Variants in GRK3 observed in about 807,000 individuals in gnomAD.
GRK3 encodes adrenergic, beta, receptor kinase 2.
GRK3 carries 54 observed loss-of-function variants against 95.7 expected under a neutral mutation model. That is an observed-to-expected ratio of 0.56 (90% CI 0.45 to 0.71). The LOEUF (loss-of-function observed/expected upper bound fraction) is 0.71. Ranked by LOEUF, GRK3 falls within the 30% of genes least tolerant of loss-of-function variation. The probability of loss-of-function intolerance (pLI) is 0.00; values close to 1 mark genes in which losing one functional copy is unlikely to be tolerated. For missense variants in GRK3, 649 were observed against 851.2 expected (o/e 0.76, Z 2.96); for synonymous variants, 281 against 290.8 (o/e 0.97, Z 0.34).
intron 2 of GRK3, among the ~76,000 whole-genome samples, chr22:25,641,887 G>C (rs941167935): frequency 4.6e-5 from 7 of 152,166 alleles, no homozygotes; most frequent in Admixed American, 4.6e-4. Context: ...ATGGTGAAGA[G>C]TTTCAGTTTG....
intron 1 of GRK3, among the ~76,000 whole-genome samples, chr22:25,600,477 G>T (rs974411214): frequency 6.6e-6 from 1 of 151,996 alleles, no homozygotes; most frequent in African/African-American, 2.4e-5. Context: ...AACCAACTAC[G>T]CCTCAAAATA....
intron 2 of GRK3, among the ~76,000 whole-genome samples, chr22:25,620,498 A>G (rs552782366): frequency 6.6e-6 from 1 of 152,314 alleles, no homozygotes; most frequent in African/African-American, 2.4e-5. Flanking sequence ...CTCTAAGAGC[A>G]GGGGCTTTAC....
At chr22:25,647,211 A>C (rs2146385800) in intron 3 of GRK3, 1 of 126,758 alleles carries the variant, frequency 7.9e-6, no homozygotes, top group Non-Finnish European at 1.5e-5. Context: ...CACCACCCGG[A>C]GCTGCAGCAG....
chr22:25,727,587 T>C lies in GRK3; in HGVS notation c.*5137T>C, dbSNP rs1217335630. ...AACTACAGAAAATGGGTTAAGAGTA[T>C]ACGCATTTCATCAAACACATATAGG... On this transcript the variant is annotated 3_prime_UTR_variant, in exon 21 of 21. Coordinates refer to ENST00000324198, the MANE Select transcript of GRK3 (RefSeq NM_005160.4). 1 of 152,256 alleles carries C rather than the reference T, an allele frequency of 6.6e-6. No homozygotes were observed. Among genetic ancestry groups the C allele is most frequent in the Non-Finnish European group, 1.5e-5 (1 of 68,050 alleles). 9.4% of individuals were successfully genotyped at this position (152,256 alleles called of 1,614,324 possible).
intron 2 of GRK3, among the ~76,000 whole-genome samples, chr22:25,626,718 C>T (rs2084630810): frequency 6.6e-6 from 1 of 152,222 alleles, no homozygotes; most frequent in South Asian, 2.1e-4. Flanking sequence ...TTAGATTTCA[C>T]AGTAAATATG....
chr22:25,699,699 CT>C (rs532664312), intron 13 of GRK3, among the ~76,000 whole-genome samples: 194 of 129,202 alleles, frequency 1.5e-3, no homozygotes, highest in East Asian at 2.6e-3. Flanking sequence ...CTTTTCTTTT[CT>C]TTTTTTTTTT....
intron 3 of GRK3, chr22:25,648,313 C>A: frequency 9.0e-7 from 1 of 1,107,704 alleles, no homozygotes; most frequent in Non-Finnish European, 1.4e-6. Flanking sequence ...CAGAAATTGG[C>A]AAAACACTAC....
chr22:25,626,796 C>G (rs16980513), intron 2 of GRK3, among the ~76,000 whole-genome samples: 3,894 of 152,280 alleles, frequency 0.026, 58 homozygotes, highest in African/African-American at 0.037. Context: ...AAGATCGGTG[C>G]ACAGTCAGGG....
chr22:25,671,351 A>G (rs978409268), intron 6 of GRK3, among the ~76,000 whole-genome samples: 1 of 152,226 alleles, frequency 6.6e-6, no homozygotes, highest in Non-Finnish European at 1.5e-5. Flanking sequence ...AAGCAACAAA[A>G]ACAAAAACAA....
intron 1 of GRK3, among the ~76,000 whole-genome samples, chr22:25,580,791 T>G (rs1308939165): frequency 6.6e-6 from 1 of 152,196 alleles, no homozygotes; most frequent in Non-Finnish European, 1.5e-5. Flanking sequence ...GATGAGCCAC[T>G]GTGCCTGGCT....
At chr22:25,567,627 C>G (rs918604015) in intron 1 of GRK3, among the ~76,000 whole-genome samples, 1 of 152,156 alleles carries the variant, frequency 6.6e-6, no homozygotes, top group African/African-American at 2.4e-5. Flanking sequence ...CATGTGATCA[C>G]CAGTTTTTGG....
At chr22:25,620,010 G>GTGTGTGTGTGTTT (rs2084571343) in intron 2 of GRK3, among the ~76,000 whole-genome samples, 1 of 84,178 alleles carries the variant, frequency 1.2e-5, no homozygotes, top group Non-Finnish European at 2.2e-5. Flanking sequence ...TCTTTTTTGT[G>GTGTGTGTGTGTTT]TGTGTGTGTG....
chr22:25,655,031 A>G (rs898454687), intron 3 of GRK3, among the ~76,000 whole-genome samples: 2 of 152,174 alleles, frequency 1.3e-5, no homozygotes, highest in African/African-American at 4.8e-5. Context: ...CTTTGAAGTT[A>G]TTAGTAATTC....
chr22:25,565,215 C>T lies in GRK3; in HGVS notation c.113+62C>T. 3 of 882,484 alleles carry T rather than the reference C, an allele frequency of 3.4e-6. No individual in the cohort carries two copies. The South Asian group carries it at 5.5e-5, about 16-fold the overall frequency. The allele number at this position is 882,484 out of a possible 1,614,324, so 54.7% of individuals were successfully genotyped here. A position where few individuals can be genotyped will look rare whatever the true frequency, so the allele number is the denominator to read the frequency against. On this transcript the variant is annotated intron_variant, in intron 1 of 20. Coordinates refer to ENST00000324198, the MANE Select transcript of GRK3 (RefSeq NM_005160.4). ...CCGCCCCCTGCGGCCGCCAGCTACC[C>T]CCTGCTTCCTGGAGGGTCGGGCGCT...
chr22:25,605,847 G>T (rs2146341630), intron 2 of GRK3, among the ~76,000 whole-genome samples: 1 of 152,322 alleles, frequency 6.6e-6, no homozygotes, highest in African/African-American at 2.4e-5. Context: ...CTTTTGCACT[G>T]GGCTTCTTCA....
chr22:25,697,570 G>C (rs989275068), intron 13 of GRK3, among the ~76,000 whole-genome samples: 5 of 152,234 alleles, frequency 3.3e-5, no homozygotes, highest in African/African-American at 1.2e-4. Flanking sequence ...TCCGTGGGAA[G>C]ACTGAAAGAG....
In GRK3 at chr22:25,727,034, ACT is replaced by A. The variant is rs200055957; in HGVS notation, c.*4585_*4586del. 0.012 allele frequency: 1,760 copies of A among 151,978 alleles called. 18 individuals carry two copies. The highest frequency in any genetic ancestry group is 0.018 in the South Asian group (88 of 4,812). 9.4% of individuals were successfully genotyped at this position (151,978 alleles called of 1,614,324 possible). On this transcript the variant is annotated 3_prime_UTR_variant, in exon 21 of 21. Coordinates refer to ENST00000324198, the MANE Select transcript of GRK3 (RefSeq NM_005160.4). Reference sequence around the variant, plus strand: ...ATTGCCCCATTGGTCAGTTGGGGACACTGTTACAAATCCACTGAAGTCCTGGT... The same window carrying A: ...ATTGCCCCATTGGTCAGTTGGGGACAGTTACAAATCCACTGAAGTCCTGGT...
chr22:25,620,559 T>C (rs1462414708), intron 2 of GRK3, among the ~76,000 whole-genome samples: 1 of 152,196 alleles, frequency 6.6e-6, no homozygotes, highest in African/African-American at 2.4e-5. Flanking sequence ...CCAAAACTTT[T>C]CCTCCTTGTC....
chr22:25,583,581 G>A (rs1932183331), intron 1 of GRK3, among the ~76,000 whole-genome samples: 1 of 152,076 alleles, frequency 6.6e-6, no homozygotes, highest in Admixed American at 6.6e-5. Context: ...CTCTGGACAT[G>A]GGCTCCTTGA....
Sources: allele counts gnomAD v4.1 joint callset (sites outside exome capture counted in the v4.1 genomes callset), GRCh38; gene constraint gnomAD v4.1.1; transcripts MANE v1.5; gene names NCBI Gene and HGNC (gene_info 2026-07-23, HGNC 2026-07-21).